The following LUC7L2 variants were observed in gnomAD, a reference collection of about 807,000 sequenced individuals.
The protein encoded by LUC7L2 is LUC7 like 2, pre-mRNA splicing factor.
LUC7L2 carries 25 observed loss-of-function variants against 52.8 expected under a neutral mutation model. The observed-to-expected ratio is 0.47, with a 90% confidence interval of 0.34 to 0.66. The LOEUF (loss-of-function observed/expected upper bound fraction) is 0.66, where lower values mean the gene tolerates loss of function less well. Ranked by LOEUF, LUC7L2 falls within the 30% of genes least tolerant of loss-of-function variation. The probability of loss-of-function intolerance (pLI) is 0.01; values close to 1 mark genes in which losing one functional copy is unlikely to be tolerated. For synonymous variants in LUC7L2, 144 were observed against 160.9 expected (o/e 0.89, Z 0.80); for missense variants, 328 against 497.8 (o/e 0.66, Z 3.25).
At chr7:139,388,145 A>G (rs1339898572) in intron 2 of LUC7L2, among the ~76,000 whole-genome samples, 3 of 152,190 alleles carry the variant, frequency 2.0e-5, no homozygotes, top group Non-Finnish European at 2.9e-5. Context: ...TTGAAAAAAA[A>G]TTTATCTCAT....
chr7:139,414,769 C>G (rs1020460728), intron 8 of LUC7L2, among the ~76,000 whole-genome samples: 1 of 152,222 alleles, frequency 6.6e-6, no homozygotes, highest in African/African-American at 2.4e-5. Context: ...ATGACTGATT[C>G]ACTTGTTCCC....
rs991943025 is a variant in LUC7L2 at position 139,393,307 on chromosome 7, C to A, written c.157-5292C>A. Among the ~76,000 whole-genome samples the A allele has an allele frequency of 2.0e-5, 3 of 151,730 alleles. No homozygotes were observed. The South Asian group carries it at 6.3e-4, about 32-fold the overall frequency. ...GTATGGTGATGTGTGCCTGTTGGTC[C>A]CAGCTACTCAGGTGTCAGGTGGCTT... On this transcript the variant is annotated intron_variant, in intron 2 of 9. Coordinates refer to ENST00000354926, the MANE Select transcript of LUC7L2 (RefSeq NM_016019.5).
chr7:139,400,048 T>C (rs1222304036), intron 3 of LUC7L2, among the ~76,000 whole-genome samples: 1 of 152,224 alleles, frequency 6.6e-6, no homozygotes, highest in Non-Finnish European at 1.5e-5. Context: ...CTTCTGAATA[T>C]CCAAGAATTT....
At chr7:139,374,822 C>A in intron 1 of LUC7L2, 4 of 1,083,580 alleles carry the variant, frequency 3.7e-6, no homozygotes, top group Non-Finnish European at 4.5e-6. Flanking sequence ...TTAAGTTAAG[C>A]TCTTTAGTAT....
intron 5 of LUC7L2, among the ~76,000 whole-genome samples, 173 bp from the exon 6 acceptor site, chr7:139,407,001 G>GTTTTTT (rs58914782): frequency 2.8e-4 from 31 of 110,438 alleles, no homozygotes; most frequent in African/African-American, 7.3e-4. Flanking sequence ...TGCTTTTGTG[G>GTTTTTT]TTTTTTTTTT....
intron 1 of LUC7L2, 60 bp from the exon 2 acceptor site, chr7:139,376,002 T>A (rs1800688657): frequency 6.4e-7 from 1 of 1,566,518 alleles, no homozygotes; most frequent in South Asian, 1.1e-5. Context: ...ATAGTAGGGC[T>A]CTCAGAAAAT....
At chr7:139,350,550 G>C (rs1799421512) in intron 1 of LUC7L2, among the ~76,000 whole-genome samples, 1 of 151,818 alleles carries the variant, frequency 6.6e-6, no homozygotes, top group Admixed American at 6.6e-5. Context: ...CAACCCAGAG[G>C]TACAGATGAC....
chr7:139,375,166 A>G, intron 1 of LUC7L2: 2 of 983,382 alleles, frequency 2.0e-6, no homozygotes, highest in Non-Finnish European at 2.4e-6. Context: ...AAAAATTTTA[A>G]CTAACATCTA....
chr7:139,369,571 T>G (rs879858392), intron 1 of LUC7L2, among the ~76,000 whole-genome samples: 2 of 152,200 alleles, frequency 1.3e-5, no homozygotes, highest in Non-Finnish European at 2.9e-5. Context: ...ATTTTCATCA[T>G]CACCATTCTG....
Position 139,422,281 on chromosome 7 carries a change from G to A in LUC7L2, c.1120G>A (p.Ala374Thr), listed in dbSNP as rs770646976. ...RKDKKRSYESANGRSEDRRSS... is the reference protein window; with the variant it reads ...RKDKKRSYESTNGRSEDRRSS... ...AGATAAGAAGCGGTCCTATGAGAGTGCTAATGGCAGATCAGAAGACAGGAG... is the reference window on the plus strand; with the variant it reads ...AGATAAGAAGCGGTCCTATGAGAGTACTAATGGCAGATCAGAAGACAGGAG... The change falls in exon 10 of 10, where the codon GCT becomes ACT. Residue 374 changes from alanine (A) to threonine (T), a missense_variant. Physicochemically the swap from Ala to Thr is moderately conservative, Grantham distance 58 (BLOSUM62 0). Around this residue, in one of 2 missense-constraint regions of LUC7L2, gnomAD observed 195 missense variants for 223.3 expected, o/e 0.87. Transcript: ENST00000354926. 1 of 1,614,216 alleles carries A rather than the reference G, an allele frequency of 6.2e-7. No homozygotes were observed. The highest frequency in any genetic ancestry group is 1.1e-5 in the South Asian group (1 of 91,088).
upstream of LUC7L2, chr7:139,359,704 C>A (rs998959954): frequency 2.5e-6 from 1 of 398,256 alleles, no homozygotes; most frequent in Non-Finnish European, 4.4e-6. Flanking sequence ...CGGGGCGGAT[C>A]CGGCTTGCAC....
chr7:139,350,675 ATTC>A (rs1301284464), intron 1 of LUC7L2, among the ~76,000 whole-genome samples: 3 of 130,560 alleles, frequency 2.3e-5, no homozygotes, highest in Admixed American at 7.6e-5. Context: ...ATGACACCAC[ATTC>A]TTCTTTTTTT....
chr7:139,340,624 G>A (rs112234232), intron 1 of LUC7L2: 5 of 396,854 alleles, frequency 1.3e-5, no homozygotes, highest in Non-Finnish European at 1.3e-5. Flanking sequence ...GATAGGGTAA[G>A]GCGAAAATGA....
intron 2 of LUC7L2, among the ~76,000 whole-genome samples, chr7:139,384,804 G>T (rs1030197738): frequency 6.6e-6 from 1 of 152,098 alleles, no homozygotes; most frequent in Non-Finnish European, 1.5e-5. Flanking sequence ...GAGTGCAGTG[G>T]CTATTTGTAG....
At chr7:139,349,450 T>C (rs1420155007) in intron 1 of LUC7L2, among the ~76,000 whole-genome samples, 1 of 152,162 alleles carries the variant, frequency 6.6e-6, no homozygotes. Context: ...AAAGAATTGA[T>C]TCTAGAACAC....
At chr7:139,419,395 G>C (rs13068) in intron 9 of LUC7L2, among the ~76,000 whole-genome samples, 58,404 of 152,110 alleles carry the variant, frequency 0.38, 15,642 homozygotes, top group African/African-American at 0.76. Flanking sequence ...AGAGAATGAG[G>C]AGGGAGTTTG....
At chr7:139,345,546 C>A in intron 1 of LUC7L2, 1 of 1,614,148 alleles carries the variant, frequency 6.2e-7, no homozygotes, top group Non-Finnish European at 8.5e-7. Flanking sequence ...GCTTCATTTC[C>A]AAGCTGCCAC....
upstream of LUC7L2, among the ~76,000 whole-genome samples, chr7:139,357,048 T>C (rs1799626579): frequency 6.6e-6 from 1 of 152,148 alleles, no homozygotes; most frequent in Admixed American, 6.5e-5. Context: ...TTGTATTACC[T>C]CTCTTGGGGG....
intron 1 of LUC7L2, chr7:139,341,479 C>T: frequency 1.2e-6 from 2 of 1,613,860 alleles, no homozygotes; most frequent in Non-Finnish European, 1.7e-6. Context: ...TATCGCGACA[C>T]CGCGGCCTAT....
Sources: allele counts gnomAD v4.1 joint callset (sites outside exome capture counted in the v4.1 genomes callset), GRCh38; gene constraint gnomAD v4.1.1; regional missense constraint gnomAD v4.1.1; transcripts MANE v1.5; gene names NCBI Gene and HGNC (gene_info 2026-07-23, HGNC 2026-07-21).